CALD1: variants seen among roughly 807,000 people sequenced by gnomAD.
CALD1 encodes caldesmon 1, also known as caldesmon.
Under a neutral mutation model 99.9 loss-of-function variants are expected in CALD1, and 33 were observed. The observed-to-expected ratio is 0.33, with a 90% CI of 0.25 to 0.44. CALD1 has a LOEUF of 0.44. CALD1 is among the 20% of genes least tolerant of loss of function. CALD1 has a pLI of 1.00. For synonymous variants in CALD1, 310 were observed against 325.0 expected, an observed-to-expected ratio of 0.95 and a Z score of 0.50; for missense variants, 861 against 962.1, an observed-to-expected ratio of 0.89 and a Z score of 1.39.
chr7:134,771,760 C>T (rs761427848), intron 1 of CALD1, among the ~76,000 whole-genome samples: 36 of 152,250 alleles, frequency 2.4e-4, no homozygotes, highest in East Asian at 1.4e-3. Flanking sequence ...CCCCTGGGCT[C>T]GTTGCTATTT....
intron 3 of CALD1, among the ~76,000 whole-genome samples, chr7:134,873,199 CAAAACA>C (rs1408693260): frequency 4.8e-5 from 6 of 124,060 alleles, no homozygotes; most frequent in African/African-American, 1.6e-4. Context: ...AACAAACAAA[CAAAACA>C]AAAAAAACCC....
At chr7:134,894,008 C>G (rs772731546) in intron 3 of CALD1, among the ~76,000 whole-genome samples, 1 of 152,098 alleles carries the variant, frequency 6.6e-6, no homozygotes, top group Admixed American at 6.5e-5. Flanking sequence ...TGATAACAGA[C>G]AAAATGGGGT....
the CALD1 span, among the ~76,000 whole-genome samples, chr7:134,723,575 A>C: frequency 1.5e-5 from 2 of 130,272 alleles, no homozygotes; most frequent in African/African-American, 5.9e-5. Flanking sequence ...AGAAAACTGC[A>C]AGCTCAAAAC....
At chr7:134,756,204 G>A (rs545805388) in intron 1 of CALD1, among the ~76,000 whole-genome samples, 5 of 145,498 alleles carry the variant, frequency 3.4e-5, no homozygotes, top group South Asian at 2.2e-4. Flanking sequence ...CCTGGGAGGC[G>A]GAGGTTTCAG....
the CALD1 span, among the ~76,000 whole-genome samples, chr7:134,729,562 C>T: frequency 6.6e-6 from 1 of 152,210 alleles, no homozygotes; most frequent in Non-Finnish European, 1.5e-5. Context: ...TGAGGGGACA[C>T]ACAAGGAAGA....
the CALD1 span, among the ~76,000 whole-genome samples, chr7:134,721,833 A>G: frequency 6.6e-6 from 1 of 152,172 alleles, no homozygotes; most frequent in South Asian, 2.1e-4. Flanking sequence ...TCAGTACTTG[A>G]AGAATATTTT....
intron 2 of CALD1, among the ~76,000 whole-genome samples, chr7:134,863,088 C>A (rs1800630640): frequency 6.6e-6 from 1 of 152,120 alleles, no homozygotes; most frequent in South Asian, 2.1e-4. Flanking sequence ...CATAAGGACA[C>A]CATCATATTG....
At chr7:134,949,104 G>A (rs1218908828) in intron 8 of CALD1, among the ~76,000 whole-genome samples, 1 of 152,106 alleles carries the variant, frequency 6.6e-6, no homozygotes, top group African/African-American at 2.4e-5. Flanking sequence ...TGCTCCCAGT[G>A]CCTGGCACAT....
At chr7:134,959,832 CAG>C in intron 11 of CALD1, 140 bp from the exon 12 acceptor site, 1 of 777,024 alleles carries the variant, frequency 1.3e-6, no homozygotes, top group South Asian at 2.0e-5. Flanking sequence ...AGTTTTACAA[CAG>C]AAATTATCAC....
chr7:134,722,581 C>G, the CALD1 span, among the ~76,000 whole-genome samples: 8 of 151,754 alleles, frequency 5.3e-5, no homozygotes, highest in Admixed American at 5.2e-4. Flanking sequence ...GCCACCACAC[C>G]TGGCTAATTT....
At chr7:134,962,860 GAAACCTGCTT>G (rs1563137856) in intron 13 of CALD1, 1 of 456,468 alleles carries the variant, frequency 2.2e-6, no homozygotes, top group Non-Finnish European at 4.4e-6. Flanking sequence ...TGGTTGATTG[GAAACCTGCTT>G]CTCCTGCCTT....
chr7:134,772,626 A>G (rs1238319448), intron 1 of CALD1, among the ~76,000 whole-genome samples: 1 of 152,140 alleles, frequency 6.6e-6, no homozygotes, highest in Non-Finnish European at 1.5e-5. Context: ...CATTCTTACG[A>G]TTGTGGTAAA....
intron 3 of CALD1, among the ~76,000 whole-genome samples, chr7:134,879,851 G>T (rs1008164516): frequency 2.0e-5 from 3 of 152,086 alleles, no homozygotes; most frequent in Non-Finnish European, 4.4e-5. Context: ...GAATGTGAGG[G>T]CTTATTTTCC....
At chr7:134,818,236 T>C (rs889286039) in intron 1 of CALD1, among the ~76,000 whole-genome samples, 3 of 152,200 alleles carry the variant, frequency 2.0e-5, no homozygotes, top group African/African-American at 7.2e-5. Flanking sequence ...AGGGATAAGA[T>C]AGCAAACCAT....
chr7:134,945,168 G>T (rs1003003629), intron 7 of CALD1, among the ~76,000 whole-genome samples: 9 of 152,038 alleles, frequency 5.9e-5, no homozygotes, highest in African/African-American at 2.2e-4. Flanking sequence ...AATCACAAAA[G>T]AAAATTCAAC....
chr7:134,774,330 C>T (rs991100451), intron 1 of CALD1, among the ~76,000 whole-genome samples: 3 of 152,098 alleles, frequency 2.0e-5, no homozygotes, highest in Non-Finnish European at 4.4e-5. Flanking sequence ...AATTTCCTGT[C>T]TGTGGGATAC....
In CALD1 at chr7:134,941,249, C is replaced by T. The variant is rs751889290; in HGVS notation, c.1532+12C>T. The T allele has an allele frequency of 6.4e-7, 1 of 1,551,198 alleles. No individual in the cohort carries two copies. The highest frequency in any genetic ancestry group is 2.0e-5 in the Admixed American group (1 of 49,628). On this transcript the variant is annotated intron_variant, in intron 7 of 14. Transcript: ENST00000361675. ...GAGAATACTTTCAGGTAAGAAGTAG[C>T]AACTAGTTAATAGAAACTGTGTTCA...
At chr7:134,756,196 T>A in intron 1 of CALD1, among the ~76,000 whole-genome samples, 1 of 138,066 alleles carries the variant, frequency 7.2e-6, no homozygotes. Flanking sequence ...TGCTTGAACC[T>A]GGGAGGCGGA....
intron 1 of CALD1, among the ~76,000 whole-genome samples, chr7:134,752,922 AG>A (rs1796697066): frequency 6.6e-6 from 1 of 151,672 alleles, no homozygotes; most frequent in Admixed American, 6.6e-5. Flanking sequence ...AAGGAGGAGA[AG>A]CACTTGAACC....
Sources: gnomAD v4.1 joint callset for allele counts (sites outside exome capture counted in the v4.1 genomes callset) on GRCh38, gnomAD v4.1.1 for gene constraint, MANE v1.5 for transcripts, NCBI Gene and HGNC (gene_info 2026-07-23, HGNC 2026-07-21) for gene names.